Variants in DLGAP1 observed in about 807,000 individuals in gnomAD.
DLGAP1 encodes disks large-associated protein 1.
A neutral mutation model predicts 90.8 loss-of-function variants in DLGAP1; 11 were observed. The ratio of observed to expected loss-of-function variants is 0.12; its 90% CI spans 0.08 to 0.20. DLGAP1 has a LOEUF of 0.20. Ranked by LOEUF, DLGAP1 falls within the 10% of genes least tolerant of loss-of-function variation. The probability of loss-of-function intolerance (pLI) is 1.00; values close to 1 mark genes in which losing one functional copy is unlikely to be tolerated. For synonymous variants in DLGAP1, 558 were observed against 540.7 expected (o/e 1.03, Z -0.44); for missense variants, 1,050 against 1,333.8 (o/e 0.79, Z 3.31).
intron 9 of DLGAP1, among the ~76,000 whole-genome samples, chr18:3,555,807 T>A (rs1362463729): frequency 3.3e-5 from 5 of 151,976 alleles, no homozygotes; most frequent in Non-Finnish European, 7.4e-5. Flanking sequence ...CGAAACTCCG[T>A]CTCAAAAAAA....
chr18:3,772,325 T>C (rs1369030780), intron 5 of DLGAP1, among the ~76,000 whole-genome samples: 3 of 63,372 alleles, frequency 4.7e-5, no homozygotes, highest in Admixed American at 2.5e-4. Flanking sequence ...TTCCTTCCTT[T>C]CTCTCCTTCT....
chr18:3,526,012 T>C lies in DLGAP1; in HGVS notation c.2479+8182A>G, dbSNP rs1180069166. ...TGGAGCATTCTCAAGGTTAAACATA[T>C]GGCACATTACAGCCGATTTCCTTTT... is the stretch of plus-strand genomic sequence containing the variant. On this transcript the variant is annotated intron_variant, in intron 10 of 12. Coordinates refer to ENST00000315677, the MANE Select transcript of DLGAP1 (RefSeq NM_004746.4). This position sits in a 1 kb window ranked among gnomAD's most constrained non-coding sequence, Gnocchi z 4.7. Among the ~76,000 whole-genome samples the C allele has an allele frequency of 2.6e-5, 4 of 152,198 alleles. No homozygotes were observed. The highest frequency in any genetic ancestry group is 5.9e-5 in the Non-Finnish European group (4 of 68,040).
chr18:3,989,561 A>C (rs1670186878), intron 3 of DLGAP1, among the ~76,000 whole-genome samples: 2 of 136,406 alleles, frequency 1.5e-5, no homozygotes, highest in South Asian at 5.1e-4. Context: ...CATCCATCCA[A>C]GACTTCAACT....
chr18:3,660,554 T>C lies in DLGAP1; in HGVS notation c.1591+68581A>G, dbSNP rs1317233776. 2.6e-5 allele frequency among the ~76,000 whole-genome samples: 4 copies of C among 152,260 alleles called. No individual in the cohort carries two copies. The highest frequency in any genetic ancestry group is 3.8e-4 in the East Asian group (2 of 5,204). On this transcript the variant is annotated intron_variant, in intron 7 of 12. Transcript: ENST00000315677. This position sits in a 1 kb window ranked among gnomAD's most constrained non-coding sequence, Gnocchi z 4.2. Reference sequence around the variant, plus strand: ...CCGAGTATCCTCAAGGAGGATCTTATCAATCCCAGCAAATGTACTTCAAAT... The same window carrying C: ...CCGAGTATCCTCAAGGAGGATCTTACCAATCCCAGCAAATGTACTTCAAAT...
intron 1 of DLGAP1, among the ~76,000 whole-genome samples, chr18:4,260,374 C>T (rs1227193335): frequency 1.3e-5 from 2 of 152,220 alleles, no homozygotes; most frequent in Admixed American, 1.3e-4. Flanking sequence ...TCCCAACCTG[C>T]GGAAGTATAA....
chr18:3,843,466 A>C (rs2068833411), intron 4 of DLGAP1, among the ~76,000 whole-genome samples: 2 of 152,196 alleles, frequency 1.3e-5, no homozygotes, highest in Non-Finnish European at 2.9e-5. Context: ...GGTTACAAAA[A>C]TTTGTTTCCT....
intron 7 of DLGAP1, among the ~76,000 whole-genome samples, chr18:3,652,307 C>G (rs2146465767): frequency 6.6e-6 from 1 of 152,120 alleles, no homozygotes; most frequent in East Asian, 1.9e-4. Context: ...GCTTGTCATA[C>G]TATGAACAAC....
chr18:3,571,248 G>C (rs2054765892), intron 8 of DLGAP1: 1 of 151,732 alleles, frequency 6.6e-6, no homozygotes, highest in African/African-American at 2.4e-5. Flanking sequence ...CCAGGCTACA[G>C]TACAGTGGCT....
Position 4,442,629 on chromosome 18 carries a change from G to T in DLGAP1, c.-267+12377C>A, listed in dbSNP as rs74974942. On this transcript the variant is annotated intron_variant, in intron 1 of 12. Coordinates refer to ENST00000315677, the MANE Select transcript of DLGAP1 (RefSeq NM_004746.4). ...AAAGAATGAGAAAGTGGTAAAAGTA[G>T]CTTCACACCTCTTTTCAAAACCTAA... 3.0e-4 allele frequency among the ~76,000 whole-genome samples: 45 copies of T among 152,280 alleles called. No individual in the cohort carries two copies. The East Asian group carries it at 8.5e-3, about 29-fold the overall frequency.
chr18:3,810,549 C>T (rs1351295297), intron 5 of DLGAP1, among the ~76,000 whole-genome samples: 3 of 151,944 alleles, frequency 2.0e-5, no homozygotes, highest in East Asian at 1.9e-4. Context: ...AAAAAAAAAT[C>T]GACTTAAATG....
At chr18:4,170,082 A>T (rs886105768) in intron 1 of DLGAP1, among the ~76,000 whole-genome samples, 2 of 152,266 alleles carry the variant, frequency 1.3e-5, no homozygotes, top group African/African-American at 4.8e-5. Context: ...TTCCACGATG[A>T]TGGAAGGTTG....
intron 1 of DLGAP1, among the ~76,000 whole-genome samples, chr18:4,180,218 G>A (rs996189846): frequency 6.6e-6 from 1 of 152,152 alleles, no homozygotes; most frequent in Non-Finnish European, 1.5e-5. Flanking sequence ...ATGAAACAGA[G>A]GTGTTCTTGT....
At chr18:4,203,092 T>C (rs1160333901) in intron 1 of DLGAP1, among the ~76,000 whole-genome samples, 1 of 151,992 alleles carries the variant, frequency 6.6e-6, no homozygotes, top group African/African-American at 2.4e-5. Context: ...CTGGCCATCA[T>C]GATGAAACCT....
intron 1 of DLGAP1, among the ~76,000 whole-genome samples, chr18:4,440,001 T>C (rs976100818): frequency 4.0e-5 from 6 of 151,192 alleles, no homozygotes; most frequent in Non-Finnish European, 7.4e-5. Flanking sequence ...GTGCCTGTTG[T>C]CTCAGCTACT....
chr18:4,417,344 G>A (rs9957107), intron 1 of DLGAP1, among the ~76,000 whole-genome samples: 14,479 of 151,902 alleles, frequency 0.095, 2,205 homozygotes, highest in African/African-American at 0.33. Flanking sequence ...TATATAATGG[G>A]TTTATTATTA....
At chr18:4,316,224 T>C (rs2080523801) in intron 1 of DLGAP1, among the ~76,000 whole-genome samples, 1 of 152,242 alleles carries the variant, frequency 6.6e-6, no homozygotes, top group Non-Finnish European at 1.5e-5. Flanking sequence ...TTGATCCGTG[T>C]GTTACATGGC....
intron 6 of DLGAP1, among the ~76,000 whole-genome samples, chr18:3,741,422 TCAC>T (rs1466767709): frequency 6.8e-6 from 1 of 147,268 alleles, no homozygotes; most frequent in Non-Finnish European, 1.5e-5. Context: ...ACCATCACTG[TCAC>T]CACCATCACC....
At chr18:4,403,516 T>A (rs1004379042) in intron 1 of DLGAP1, among the ~76,000 whole-genome samples, 1 of 152,194 alleles carries the variant, frequency 6.6e-6, no homozygotes, top group South Asian at 2.1e-4. Context: ...TAGGCAATAT[T>A]TCGCCATGCA....
intron 1 of DLGAP1, among the ~76,000 whole-genome samples, chr18:4,400,774 G>A (rs2144523375): frequency 6.6e-6 from 1 of 152,232 alleles, no homozygotes; most frequent in South Asian, 2.1e-4. Context: ...ATTTGTGGTG[G>A]TGCCTGAAAA....
Sources: allele counts gnomAD v4.1 joint callset (sites outside exome capture counted in the v4.1 genomes callset), GRCh38; gene constraint gnomAD v4.1.1; non-coding constraint Gnocchi (gnomAD v3.1); transcripts MANE v1.5; gene names NCBI Gene and HGNC (gene_info 2026-07-23, HGNC 2026-07-21).